SLC49A4: variants seen among roughly 807,000 people sequenced by gnomAD.
SLC49A4 encodes the protein solute carrier family 49 member 4, also known as disrupted in renal cancer protein 2.
SLC49A4 carries 36 observed loss-of-function variants against 50.6 expected under a neutral mutation model. The ratio of observed to expected loss-of-function variants is 0.71; its 90% CI spans 0.55 to 0.94. SLC49A4 has a LOEUF of 0.94. SLC49A4 is among the 40% of genes least tolerant of loss of function. The probability of loss-of-function intolerance (pLI) is 0.00; values close to 1 mark genes in which losing one functional copy is unlikely to be tolerated. For missense variants in SLC49A4, 503 were observed against 605.7 expected (o/e 0.83, Z 1.78); for synonymous variants, 248 against 241.2 (o/e 1.03, Z -0.26).
In SLC49A4 at chr3:122,879,348, ACT is replaced by A. The variant is rs778968768; in HGVS notation, c.1410_1411del (p.Tyr471SerfsTer2). On this transcript the variant is annotated frameshift_variant, in exon 9 of 9. Coordinates refer to ENST00000261038, the MANE Select transcript of SLC49A4 (RefSeq NM_032839.3). LOFTEE classifies it high-confidence loss of function. ...ILCFRESYDR[L>X]YLDVVVSV ...TGTGCTTCAGGGAATCCTATGACAG[ACT>A]CTATCTTGATGTGGTTGTCTCCGTT... 1.1e-4 allele frequency: 173 copies of A among 1,613,480 alleles called. 3 individuals are homozygous for A. The highest frequency in any genetic ancestry group is 1.6e-5 in the Non-Finnish European group (19 of 1,179,804).
At chr3:122,851,297 T>G (rs1205562523) in intron 5 of SLC49A4, among the ~76,000 whole-genome samples, 1 of 152,198 alleles carries the variant, frequency 6.6e-6, no homozygotes, top group Non-Finnish European at 1.5e-5. Context: ...ATTAGTGTTT[T>G]TGTTTGTTTA....
chr3:122,824,802 T>C (rs1306002813), intron 2 of SLC49A4, among the ~76,000 whole-genome samples: 1 of 146,076 alleles, frequency 6.8e-6, no homozygotes, highest in Non-Finnish European at 1.5e-5. Context: ...GCACAATCTC[T>C]GCTCACTGCA....
At position 122,829,239 on chromosome 3, in the gene SLC49A4, A is replaced by G. The variant is rs1400425540; in HGVS notation, c.703+2174A>G. 3.3e-5 allele frequency among the ~76,000 whole-genome samples: 5 copies of G among 152,232 alleles called. No individual in the cohort carries two copies. The East Asian group carries it at 9.6e-4, about 29-fold the overall frequency. ...ATCATAAAACGGATGATATACCATG[A>G]CTAAATGGGATTTATTCCAGCAATG... is the stretch of plus-strand genomic sequence containing the variant. On this transcript the variant is annotated intron_variant, in intron 3 of 8. Transcript: ENST00000261038.
At chr3:122,823,657 T>C (rs1017255367) in intron 2 of SLC49A4, among the ~76,000 whole-genome samples, 1 of 152,248 alleles carries the variant, frequency 6.6e-6, no homozygotes, top group Non-Finnish European at 1.5e-5. Flanking sequence ...TCCTTTATTA[T>C]CATTTTAAAG....
At chr3:122,797,634 A>C (rs1936065520) in intron 1 of SLC49A4, among the ~76,000 whole-genome samples, 1 of 152,178 alleles carries the variant, frequency 6.6e-6, no homozygotes, top group South Asian at 2.1e-4. Context: ...CTCCTACCAA[A>C]GGGAGATTTT....
At chr3:122,864,421 A>C (rs1937091012) in intron 7 of SLC49A4, among the ~76,000 whole-genome samples, 2 of 152,210 alleles carry the variant, frequency 1.3e-5, no homozygotes, top group South Asian at 4.1e-4. Flanking sequence ...ACAACTCACC[A>C]AGTCATTTTG....
At chr3:122,843,849 C>T (rs1936812671) in intron 4 of SLC49A4, among the ~76,000 whole-genome samples, 1 of 152,166 alleles carries the variant, frequency 6.6e-6, no homozygotes, top group Non-Finnish European at 1.5e-5. Context: ...CATCAGGAGG[C>T]GTATAATATC....
At chr3:122,823,222 C>T (rs1260178540) in intron 2 of SLC49A4, among the ~76,000 whole-genome samples, 1 of 152,256 alleles carries the variant, frequency 6.6e-6, no homozygotes, top group African/African-American at 2.4e-5. Context: ...GAGTAGGCTG[C>T]ATCCCTGCTG....
At chr3:122,830,354 T>C (rs1936592556) in intron 3 of SLC49A4, among the ~76,000 whole-genome samples, 1 of 152,070 alleles carries the variant, frequency 6.6e-6, no homozygotes, top group Admixed American at 6.6e-5. Flanking sequence ...ACCAGCAATA[T>C]CCAAAACAAT....
intron 4 of SLC49A4, among the ~76,000 whole-genome samples, chr3:122,835,274 T>C (rs1013797644): frequency 2.0e-5 from 3 of 152,140 alleles, no homozygotes; most frequent in Non-Finnish European, 4.4e-5. Flanking sequence ...ACTCATTCTA[T>C]GAAGCCAGTG....
rs1015835079 is a variant in SLC49A4 at position 122,881,114 on chromosome 3, C to G, written c.*1736C>G. On this transcript the variant is annotated 3_prime_UTR_variant, in exon 9 of 9. Coordinates refer to ENST00000261038, the MANE Select transcript of SLC49A4 (RefSeq NM_032839.3). ...AGTTCCAGTTAATTCTGTTATTCTT[C>G]TGAAATAAAAATGAAATAAAAGGAA... 1 of 150,866 alleles carries G rather than the reference C, an allele frequency of 6.6e-6. No homozygotes were observed. The highest frequency in any genetic ancestry group is 1.5e-5 in the Non-Finnish European group (1 of 67,846). 9.3% of individuals were successfully genotyped at this position (150,866 alleles called of 1,614,324 possible).
At chr3:122,849,675 G>GTT (rs200070253) in intron 5 of SLC49A4, among the ~76,000 whole-genome samples, 1 of 150,592 alleles carries the variant, frequency 6.6e-6, no homozygotes, top group Non-Finnish European at 1.5e-5. Flanking sequence ...AATTGGATTG[G>GTT]TTTTTTTTTG....
intron 2 of SLC49A4, among the ~76,000 whole-genome samples, chr3:122,826,073 G>A (rs546520464): frequency 7.4e-4 from 112 of 152,298 alleles, no homozygotes; most frequent in Middle Eastern, 3.4e-3. Context: ...CAGATGCTCC[G>A]TAAATGCATA....
At chr3:122,830,037 T>C (rs2107566696) in intron 3 of SLC49A4, among the ~76,000 whole-genome samples, 1 of 152,322 alleles carries the variant, frequency 6.6e-6, no homozygotes, top group South Asian at 2.1e-4. Flanking sequence ...CAATTGTCTA[T>C]ATATTGGCAA....
chr3:122,813,573 A>G (rs1326519828), intron 2 of SLC49A4, among the ~76,000 whole-genome samples: 4 of 152,212 alleles, frequency 2.6e-5, no homozygotes, highest in Non-Finnish European at 4.4e-5. Context: ...TTTTCAAAGT[A>G]GACCGAGTTG....
At chr3:122,876,593 T>A (rs1206342554) in intron 8 of SLC49A4, among the ~76,000 whole-genome samples, 1 of 152,204 alleles carries the variant, frequency 6.6e-6, no homozygotes, top group Non-Finnish European at 1.5e-5. Flanking sequence ...AGCTGGCTGC[T>A]CACCTTGAGT....
At chr3:122,821,038 TGA>T (rs1936441171) in intron 2 of SLC49A4, among the ~76,000 whole-genome samples, 1 of 152,300 alleles carries the variant, frequency 6.6e-6, no homozygotes, top group East Asian at 1.9e-4. Context: ...TGATAGTGTG[TGA>T]GTGTCGTGAG....
At chr3:122,836,227 G>A (rs1182281227) in intron 4 of SLC49A4, among the ~76,000 whole-genome samples, 1 of 151,986 alleles carries the variant, frequency 6.6e-6, no homozygotes, top group African/African-American at 2.4e-5. Context: ...TTTGTCAAAG[G>A]CCTTTTCTGC....
Position 122,808,010 on chromosome 3 carries a change from G to A in SLC49A4, c.437+1060G>A, listed in dbSNP as rs554888307. ...CAGAAGACCTGGAAAGATACAGTGG[G>A]ACCCCAAGCTGAAGTCATTCTTTTG... On this transcript the variant is annotated intron_variant, in intron 2 of 8. Transcript: ENST00000261038. Among the ~76,000 whole-genome samples, 3 of 152,228 alleles carry A rather than the reference G, an allele frequency of 2.0e-5. No individual in the cohort carries two copies. The South Asian group carries it at 6.2e-4, about 32-fold the overall frequency.
Sources: gnomAD v4.1 joint callset for allele counts (sites outside exome capture counted in the v4.1 genomes callset) on GRCh38, gnomAD v4.1.1 for gene constraint, MANE v1.5 for transcripts, NCBI Gene and HGNC (gene_info 2026-07-23, HGNC 2026-07-21) for gene names.